Variants in NOL6 observed in about 807,000 individuals in gnomAD.
The protein encoded by NOL6 is nucleolar RNA-associated protein.
NOL6 carries 33 observed loss-of-function variants against 131.7 expected under a neutral mutation model. The ratio of observed to expected loss-of-function variants is 0.25; its 90% CI spans 0.19 to 0.33. NOL6 has a LOEUF of 0.33. Ranked by LOEUF, NOL6 falls within the 10% of genes least tolerant of loss-of-function variation. The probability of loss-of-function intolerance (pLI) is 1.00; values close to 1 mark genes in which losing one functional copy is unlikely to be tolerated. For missense variants in NOL6, 1,297 were observed against 1,494.5 expected (o/e 0.87, Z 2.18); for synonymous variants, 580 against 605.7 (o/e 0.96, Z 0.62).
Position 33,466,309 on chromosome 9 carries a change from G to A in NOL6, c.2208C>T (p.Thr736=), listed in dbSNP as rs530306522. The change falls in exon 17 of 26, where the codon ACC becomes ACT. Residue 736 remains threonine, a splice_region_variant and synonymous_variant. Transcript: ENST00000297990. The part of the protein sequence containing the change: ...KPCPAYVEPM[T]VVCHLEGSGQ... Reference sequence around the variant, plus strand: ...ACTCCCTCCCAAGGGCCCTCTTACCGGTCATGGGCTCCACGTAGGCCGGAC... The same window carrying A: ...ACTCCCTCCCAAGGGCCCTCTTACCAGTCATGGGCTCCACGTAGGCCGGAC... The A allele has an allele frequency of 9.3e-6, 15 of 1,614,128 alleles. No homozygotes were observed. The Middle Eastern group carries it at 5.0e-4, about 53-fold the overall frequency.
intron 21 of NOL6, 114 bp downstream of exon 21, chr9:33,464,765 A>G: frequency 1.4e-6 from 1 of 717,552 alleles, no homozygotes; most frequent in Non-Finnish European, 2.5e-6. Flanking sequence ...TGTCAGGCTT[A>G]GACATCTGGG....
intron 1 of NOL6, 171 bp from the exon 2 acceptor site, chr9:33,472,583 T>C (rs1281809763): frequency 1.6e-6 from 1 of 620,732 alleles, no homozygotes; most frequent in Non-Finnish European, 2.8e-6. Flanking sequence ...TGAACATCAC[T>C]GAGCGCTGAG....
At chr9:33,466,793 G>C (rs1827256733) in intron 15 of NOL6, 84 bp from the exon 16 acceptor site, 2 of 1,584,334 alleles carry the variant, frequency 1.3e-6, no homozygotes, top group Non-Finnish European at 1.7e-6. Flanking sequence ...GGCTGCAGCA[G>C]AGCCAGCACC....
At position 33,467,388 on chromosome 9, in the gene NOL6, C is replaced by T. The variant is rs373220428; in HGVS notation, c.1725+6G>A. 1.8e-5 allele frequency: 29 copies of T among 1,613,824 alleles called. No homozygotes were observed. Among genetic ancestry groups the T allele is most frequent in the Non-Finnish European group, 2.3e-5 (27 of 1,179,882 alleles). On this transcript the variant is annotated splice_donor_region_variant and intron_variant, in intron 13 of 25. Transcript: ENST00000297990. This position sits in a 1 kb window ranked among gnomAD's most constrained non-coding sequence, Gnocchi z 4.4. ...TCCTTCCAGTGTACATGCTGGGGTC[C>T]CCCACCTCAGGCTGGTCTGCCTCTG...
intron 2 of NOL6, 31 bp downstream of exon 2, chr9:33,472,175 T>C (rs369349873): frequency 5.0e-6 from 8 of 1,613,564 alleles, no homozygotes; most frequent in Non-Finnish European, 6.8e-6. Flanking sequence ...GGTACACACC[T>C]CGAACAAAAG....
rs1397830851 is a variant in NOL6, at chr9:33,464,864, T to C, written c.2779+15A>G. 1 of 1,584,512 alleles carries C rather than the reference T, an allele frequency of 6.3e-7. No homozygotes were observed. On this transcript the variant is annotated intron_variant, in intron 21 of 25. Transcript: ENST00000297990. Reference sequence around the variant, plus strand: ...GCTGTTCTTCCAGCAGTCTGACCCCTGTTCTACCACTTACCAGTGAGCTCA... The same window carrying C: ...GCTGTTCTTCCAGCAGTCTGACCCCCGTTCTACCACTTACCAGTGAGCTCA...
rs1827431538 is a variant in NOL6, at chr9:33,472,240, T to G, written c.227A>C (p.Glu76Ala). The change falls in exon 2 of 26, where the codon GAG becomes GCG. Residue 76 changes from glutamate (E) to alanine (A), a missense_variant. Glu to Ala is a moderately radical substitution (Grantham distance 107). Transcript: ENST00000297990. ...NEELNRLRET[E>A]ILFHSSLLRL... The stretch of plus-strand genomic sequence containing the variant: ...AAGCAAGCTGGAGTGGAACAAGATC[T>G]CAGTCTCCCGAAGGCGATTAAGCTC... 1 of 1,614,198 alleles carries G rather than the reference T, an allele frequency of 6.2e-7. No homozygotes were observed. The highest frequency in any genetic ancestry group is 2.2e-5 in the East Asian group (1 of 44,886).
intron 3 of NOL6, 142 bp downstream of exon 3, chr9:33,471,862 C>T (rs1468081707): frequency 7.1e-6 from 5 of 703,444 alleles, no homozygotes; most frequent in East Asian, 2.5e-5. Context: ...CAAATGACCA[C>T]GCTCCCAGCT....
At position 33,464,965 on chromosome 9, in the gene NOL6, A is replaced by G; in HGVS notation, c.2693T>C (p.Val898Ala). 1 of 1,613,742 alleles carries G rather than the reference A, an allele frequency of 6.2e-7. No individual in the cohort carries two copies. Among genetic ancestry groups the G allele is most frequent in the Non-Finnish European group, 8.5e-7 (1 of 1,179,788 alleles). Residue 898 changes from valine to alanine, a missense_variant, in exon 21 of 26, where the codon GTT (valine) becomes GCT (alanine). Val to Ala is a moderately conservative substitution (Grantham distance 64). Transcript: ENST00000297990. Reference protein sequence around the residue: ...EPFTPPSSPQVGFLRFLFLVS... With the variant: ...EPFTPPSSPQAGFLRFLFLVS... ...CAAGAAAAGGAATCGAAGGAAGCCA[A>G]CCTGGGGGGAACTAAAGGGCTGGAG...
chr9:33,462,366 C>A lies in NOL6; in HGVS notation c.*298G>T. 1 of 648,488 alleles carries A rather than the reference C, an allele frequency of 1.5e-6. No homozygotes were observed. The highest frequency in any genetic ancestry group is 2.8e-6 in the Non-Finnish European group (1 of 356,372). 40.2% of individuals were successfully genotyped at this position (648,488 alleles called of 1,614,324 possible). A position where few individuals can be genotyped will look rare whatever the true frequency, so the allele number is the denominator to read the frequency against. ...TGGGAAATCGCAGGGAGGTCCAGGC[C>A]CAGGGCTAATAGGTGGATGGATCTC... On this transcript the variant is annotated 3_prime_UTR_variant, in exon 26 of 26. Coordinates refer to ENST00000297990, the MANE Select transcript of NOL6 (RefSeq NM_022917.5).
At chr9:33,465,068 T>C (rs549538966) in intron 20 of NOL6, 92 bp from the exon 21 acceptor site, 40 of 1,440,240 alleles carry the variant, frequency 2.8e-5, no homozygotes, top group Middle Eastern at 2.0e-4. Flanking sequence ...CTGGTGTGGA[T>C]TGGCAGGGCA....
intron 1 of NOL6, among the ~76,000 whole-genome samples, chr9:33,472,968 CAAA>C (rs398040337): frequency 1.1e-4 from 8 of 70,930 alleles, no homozygotes; most frequent in Admixed American, 1.7e-4. Flanking sequence ...GCAAGACTGT[CAAA>C]AAAAAAAAAA....
chr9:33,473,658 G>C, intron 1 of NOL6, 131 bp downstream of exon 1: 3 of 1,011,704 alleles, frequency 3.0e-6, no homozygotes, highest in Non-Finnish European at 4.4e-6. Context: ...AGTGCCACTG[G>C]CTGGAAACAT....
rs535198587 is a variant in NOL6 at position 33,465,304 on chromosome 9, C to A, written c.2584G>T (p.Val862Leu). Residue 862 changes from valine (V) to leucine (L), a missense_variant, in exon 20 of 26, where the codon GTG (valine) becomes TTG (leucine). By Grantham distance (32) the Val-to-Leu change is conservative (BLOSUM62 1). Coordinates refer to ENST00000297990, the MANE Select transcript of NOL6 (RefSeq NM_022917.5). Reference protein sequence around the residue: ...SGVARLAKRWVRAQLLGEGFA... With the variant: ...SGVARLAKRWLRAQLLGEGFA... ...CCCTCACCAAGAAGCTGGGCACGCA[C>A]CCACCGCTTGGCCAGCCGTGCCACA... The A allele has an allele frequency of 4.1e-5, 66 of 1,590,850 alleles. No homozygotes were observed. In the East Asian group the frequency reaches 8.4e-4, roughly 20 times the overall value.
rs1343404952 is a variant in NOL6 at position 33,467,829 on chromosome 9, C to T, written c.1464G>A (p.Arg488=). Residue 488 remains arginine (R), a synonymous_variant, in exon 12 of 26, where the codon CGG becomes CGA. Transcript: ENST00000297990. This position sits in a 1 kb window ranked among gnomAD's most constrained non-coding sequence, Gnocchi z 4.4. ...CCTGCAGCTCTGGCCAGAGCTTCAG[C>T]CGGTGGCACGCTGCCTGCAGGCGAC... ...PLSRLQAACH[R]LKLWPELQDN... The T allele has an allele frequency of 9.4e-6, 15 of 1,600,972 alleles. No homozygotes were observed. Among genetic ancestry groups the T allele is most frequent in the South Asian group, 2.2e-5 (2 of 89,420 alleles).
rs184405050 is a variant in NOL6, at chr9:33,461,968, C to A, written c.*696G>T. ...AAACAGCCAGGGCAGATGCAGCTAA[C>A]GGGTAGCCCCCAGTGCTTTTTGCAC... On this transcript the variant is annotated 3_prime_UTR_variant, in exon 26 of 26. Coordinates refer to ENST00000297990, the MANE Select transcript of NOL6 (RefSeq NM_022917.5). 25 of 574,384 alleles carry A rather than the reference C, an allele frequency of 4.4e-5. No individual in the cohort carries two copies. Among genetic ancestry groups the A allele is most frequent in the African/African-American group, 4.1e-4 (22 of 53,994 alleles). 35.6% of individuals were successfully genotyped at this position (574,384 alleles called of 1,614,324 possible). A position where few individuals can be genotyped will look rare whatever the true frequency, so the allele number is the denominator to read the frequency against.
At chr9:33,471,315 C>T (rs1282797790) in intron 3 of NOL6, among the ~76,000 whole-genome samples, 1 of 152,242 alleles carries the variant, frequency 6.6e-6, no homozygotes, top group Non-Finnish European at 1.5e-5. Context: ...CATCACTGTT[C>T]TGCAAAATAA....
At position 33,461,934 on chromosome 9, in the gene NOL6, T is replaced by C; in HGVS notation, c.*730A>G. 1.9e-6 allele frequency: 1 copy of C among 539,602 alleles called. No homozygotes were observed. The highest frequency in any genetic ancestry group is 3.4e-6 in the Non-Finnish European group (1 of 298,232). The allele number at this position is 539,602 out of a possible 1,614,324, so 33.4% of individuals were successfully genotyped here. On this transcript the variant is annotated 3_prime_UTR_variant, in exon 26 of 26. Transcript: ENST00000297990. Reference sequence around the variant, plus strand: ...TACATAGTAGTGGCAGTTTGTGACATGAACGGGCAAACAGCCAGGGCAGAT... The same window carrying C: ...TACATAGTAGTGGCAGTTTGTGACACGAACGGGCAAACAGCCAGGGCAGAT...
chr9:33,463,801 C>A, intron 23 of NOL6, 30 bp downstream of exon 23: 1 of 1,607,414 alleles, frequency 6.2e-7, no homozygotes, highest in Non-Finnish European at 8.5e-7. Flanking sequence ...TCCCCAGAGG[C>A]CCTGGAGTCA....
Sources: gnomAD v4.1 joint callset for allele counts (sites outside exome capture counted in the v4.1 genomes callset) on GRCh38, gnomAD v4.1.1 for gene constraint, Gnocchi (gnomAD v3.1) non-coding constraint, MANE v1.5 for transcripts, NCBI Gene and HGNC (gene_info 2026-07-23, HGNC 2026-07-21) for gene names.